Variants in DGLUCY observed in about 807,000 individuals in gnomAD.
DGLUCY encodes the protein D-glutamate cyclase.
Under a neutral mutation model 58.5 loss-of-function variants are expected in DGLUCY, and 58 were observed. That is an observed-to-expected ratio of 0.99 (90% CI 0.80 to 1.23). The LOEUF (loss-of-function observed/expected upper bound fraction) is 1.23, where lower values mean the gene tolerates loss of function less well. Ranked by LOEUF, DGLUCY falls within the 50% of genes most tolerant of loss-of-function variation. The pLI is 0.00. For missense variants in DGLUCY, 779 were observed against 784.7 expected (o/e 0.99, Z 0.09); for synonymous variants, 325 against 314.1 (o/e 1.03, Z -0.37).
At chr14:91,100,964 G>A (rs1595642863) in intron 1 of DGLUCY, among the ~76,000 whole-genome samples, 1 of 151,962 alleles carries the variant, frequency 6.6e-6, no homozygotes, top group African/African-American at 2.4e-5. Context: ...CCAGCTGCTC[G>A]GGAGGCTGAA....
At chr14:91,171,491 C>A (rs1434002016) in intron 5 of DGLUCY, among the ~76,000 whole-genome samples, 1 of 152,220 alleles carries the variant, frequency 6.6e-6, no homozygotes, top group Non-Finnish European at 1.5e-5. Context: ...ATTCCATTGG[C>A]CACCCCCAGA....
upstream of DGLUCY, among the ~76,000 whole-genome samples, chr14:91,112,325 T>G (rs913146020): frequency 6.6e-5 from 10 of 152,110 alleles, no homozygotes; most frequent in Non-Finnish European, 1.0e-4. Flanking sequence ...GGCCTCAATT[T>G]AACAACTACC....
intron 1 of DGLUCY, among the ~76,000 whole-genome samples, chr14:91,085,782 T>C (rs1475483629): frequency 6.6e-6 from 1 of 152,156 alleles, no homozygotes; most frequent in Non-Finnish European, 1.5e-5. Flanking sequence ...TTGCCCAGGC[T>C]GGTCTCGAAC....
chr14:91,196,696 C>T (rs1230091907), intron 10 of DGLUCY, among the ~76,000 whole-genome samples: 1 of 137,152 alleles, frequency 7.3e-6, no homozygotes, highest in African/African-American at 2.8e-5. Flanking sequence ...GGTCCCTGGG[C>T]AGCAGAGAGA....
At chr14:91,078,163 G>T (rs2044062134) in intron 1 of DGLUCY, among the ~76,000 whole-genome samples, 1 of 152,114 alleles carries the variant, frequency 6.6e-6, no homozygotes, top group Non-Finnish European at 1.5e-5. Context: ...CGAGTAGCTG[G>T]AATTACAGAT....
At chr14:91,096,673 C>T (rs1424814383) in intron 1 of DGLUCY, among the ~76,000 whole-genome samples, 1 of 152,100 alleles carries the variant, frequency 6.6e-6, no homozygotes. Context: ...AGCTGAGTGC[C>T]TTCCCCTGCC....
chr14:91,136,124 G>A (rs2046324825), intron 1 of DGLUCY, among the ~76,000 whole-genome samples: 1 of 151,230 alleles, frequency 6.6e-6, no homozygotes, highest in South Asian at 2.1e-4. Context: ...TAGTAGAGAC[G>A]GGGTTTCATC....
intron 1 of DGLUCY, among the ~76,000 whole-genome samples, chr14:91,069,495 G>T (rs1270749527): frequency 6.6e-6 from 1 of 152,002 alleles, no homozygotes; most frequent in East Asian, 1.9e-4. Flanking sequence ...GGCCAGGCTG[G>T]TCTCGAACTC....
chr14:91,189,026 G>T lies in DGLUCY; in HGVS notation c.1051G>T (p.Glu351Ter). 1.9e-6 allele frequency: 3 copies of T among 1,614,144 alleles called. No individual in the cohort carries two copies. Among genetic ancestry groups the T allele is most frequent in the Non-Finnish European group, 2.5e-6 (3 of 1,180,034 alleles). Residue 351 changes from glutamate to a stop codon, truncating the protein, a stop_gained, in exon 9 of 14, where the codon GAG (glutamate) becomes TAG (stop). Transcript: ENST00000256324. LOFTEE classifies it high-confidence loss of function. ...TTGFPTHFNH[E>*]PPEETDGPPG... ...TGGGTTCCCCACACATTTCAATCAT[G>T]AGCCTCCAGAAGAGACAGATGGCCC...
intron 1 of DGLUCY, among the ~76,000 whole-genome samples, chr14:91,092,837 A>G (rs890103690): frequency 2.0e-5 from 3 of 152,208 alleles, no homozygotes; most frequent in African/African-American, 7.2e-5. Flanking sequence ...TAATCTCACC[A>G]TTTTGGGAGG....
intron 4 of DGLUCY, 116 bp from the exon 5 acceptor site, chr14:91,169,887 G>T: frequency 9.2e-7 from 1 of 1,085,360 alleles, no homozygotes. Flanking sequence ...CTGGTGCCAG[G>T]GCTGAAAATT....
chr14:91,192,941 C>A (rs1046274689), intron 9 of DGLUCY, among the ~76,000 whole-genome samples: 2 of 152,130 alleles, frequency 1.3e-5, no homozygotes, highest in Non-Finnish European at 2.9e-5. Flanking sequence ...GTCAAGGAGG[C>A]AGTTAGTGAT....
intron 1 of DGLUCY, among the ~76,000 whole-genome samples, chr14:91,146,175 G>A (rs1275684374): frequency 6.6e-6 from 1 of 152,128 alleles, no homozygotes; most frequent in African/African-American, 2.4e-5. Context: ...CCTGGCCCAT[G>A]CCCCATTTTA....
chr14:91,079,310 A>G (rs944505347), intron 1 of DGLUCY, among the ~76,000 whole-genome samples: 6 of 151,916 alleles, frequency 3.9e-5, no homozygotes, highest in African/African-American at 1.4e-4. Context: ...ATTTCCCTAC[A>G]TCAGTAAAAT....
intron 13 of DGLUCY, chr14:91,223,774 G>A (rs1851584540): frequency 8.4e-7 from 1 of 1,184,578 alleles, no homozygotes; most frequent in African/African-American, 1.6e-5. Context: ...GTGTGCCAAG[G>A]ACCCTGCTAA....
intron 1 of DGLUCY, among the ~76,000 whole-genome samples, chr14:91,118,415 A>G (rs2045136841): frequency 6.6e-6 from 1 of 152,098 alleles, no homozygotes; most frequent in Non-Finnish European, 1.5e-5. Context: ...CAGACTCTTC[A>G]TAACTCTCTT....
intron 3 of DGLUCY, among the ~76,000 whole-genome samples, chr14:91,164,761 C>A (rs2140367105): frequency 6.6e-6 from 1 of 152,324 alleles, no homozygotes; most frequent in African/African-American, 2.4e-5. Flanking sequence ...CTGTAGCCAC[C>A]ACCACTGTGA....
In DGLUCY at chr14:91,202,315, T is replaced by G. The variant is rs117337928; in HGVS notation, c.1445-2391T>G. On this transcript the variant is annotated intron_variant, in intron 11 of 13. Transcript: ENST00000256324. The stretch of plus-strand genomic sequence containing the variant: ...ATGCCTTTATGAATTGCGGAAAGGC[T>G]TAGTGTAAGCCCCAAGGAGAACCTT... Among the ~76,000 whole-genome samples the G allele has an allele frequency of 3.6e-3, 553 of 152,064 alleles. 2 individuals carry two copies. Among genetic ancestry groups the G allele is most frequent in the Non-Finnish European group, 5.7e-3 (391 of 68,004 alleles).
intron 1 of DGLUCY, among the ~76,000 whole-genome samples, chr14:91,099,714 C>G (rs1481211107): frequency 2.6e-5 from 4 of 152,092 alleles, no homozygotes; most frequent in Non-Finnish European, 4.4e-5. Flanking sequence ...CATTTTGGGT[C>G]AGTTGGGCTG....
Sources: gnomAD v4.1 joint callset for allele counts (sites outside exome capture counted in the v4.1 genomes callset) on GRCh38, gnomAD v4.1.1 for gene constraint, MANE v1.5 for transcripts, NCBI Gene and HGNC (gene_info 2026-07-23, HGNC 2026-07-21) for gene names.